Variants in ATP7B observed in about 807,000 individuals in gnomAD.
ATP7B encodes the protein ATPase copper transporting beta.
In ATP7B, 113 loss-of-function variants were observed where a neutral mutation model predicts 118.9. That is an observed-to-expected ratio of 0.95 (90% CI 0.82 to 1.11). ATP7B has a LOEUF of 1.11. Ranked by LOEUF, ATP7B falls within the 50% of genes most tolerant of loss-of-function variation. The pLI, the probability that ATP7B is intolerant of heterozygous loss-of-function variation, is 0.00. For synonymous variants in ATP7B, 777 were observed against 727.4 expected (o/e 1.07, Z -1.10); for missense variants, 1,867 against 1,871.4 (o/e 1.00, Z 0.04).
chr13:51,963,177 G>C (rs1041629602), intron 5 of ATP7B, among the ~76,000 whole-genome samples: 1 of 152,080 alleles, frequency 6.6e-6, no homozygotes, highest in Non-Finnish European at 1.5e-5. Context: ...GCTGTTGACT[G>C]CATCAGTCTG....
At chr13:51,978,302 CA>C (rs1566615425) in intron 1 of ATP7B, among the ~76,000 whole-genome samples, 1 of 152,024 alleles carries the variant, frequency 6.6e-6, no homozygotes, top group South Asian at 2.1e-4. Flanking sequence ...ACAATCCAAA[CA>C]AAAAAGAAGA....
At chr13:51,957,151 A>G (rs921485271) in intron 9 of ATP7B, among the ~76,000 whole-genome samples, 2 of 152,204 alleles carry the variant, frequency 1.3e-5, no homozygotes, top group Non-Finnish European at 1.5e-5. Flanking sequence ...TTTATTCTTT[A>G]GCAAGTTGAA....
chr13:51,966,655 T>A, intron 4 of ATP7B: 1 of 1,115,662 alleles, frequency 9.0e-7, no homozygotes, highest in Non-Finnish European at 1.3e-6. Context: ...TACAGCATGG[T>A]TTTTTTAAAA....
At chr13:51,982,199 TAAC>T (rs1952454579) in intron 1 of ATP7B, among the ~76,000 whole-genome samples, 1 of 152,210 alleles carries the variant, frequency 6.6e-6, no homozygotes, top group Admixed American at 6.5e-5. Context: ...GTGATAAAGA[TAAC>T]AACAATGATG....
chr13:51,966,131 A>G (rs1486804903), intron 4 of ATP7B, among the ~76,000 whole-genome samples: 1 of 152,220 alleles, frequency 6.6e-6, no homozygotes, highest in Non-Finnish European at 1.5e-5. Flanking sequence ...TTTTTATAAC[A>G]ACAACAATAA....
chr13:51,939,080 G>C lies in ATP7B; in HGVS notation c.3670C>G (p.Arg1224Gly). 1 of 1,614,174 alleles carries C rather than the reference G, an allele frequency of 6.2e-7. No homozygotes were observed. The highest frequency in any genetic ancestry group is 8.5e-7 in the Non-Finnish European group (1 of 1,180,038). Residue 1224 changes from arginine (R) to glycine (G), a missense_variant, in exon 17 of 21, where the codon CGG becomes GGG. By Grantham distance (125) the Arg-to-Gly change is moderately radical. Transcript: ENST00000242839. ...VDVVLITGDN[R>G]KTARAIATQV... ...GTGGCAATAGCTCTGGCTGTCTTCC[G>C]GTTGTCCCCCGTGATCAGAACCACG...
chr13:52,005,729 G>C (rs1463543290), intron 1 of ATP7B, among the ~76,000 whole-genome samples: 1 of 152,108 alleles, frequency 6.6e-6, no homozygotes, highest in Non-Finnish European at 1.5e-5. Context: ...CCTTTACCCA[G>C]TTCCAAAGCC....
At chr13:51,994,631 T>C (rs1316812541) in intron 1 of ATP7B, among the ~76,000 whole-genome samples, 1 of 152,264 alleles carries the variant, frequency 6.6e-6, no homozygotes, top group Non-Finnish European at 1.5e-5. Context: ...GTAAATCTCT[T>C]GCATAGCACA....
At chr13:51,968,020 A>C (rs1350333552) in intron 4 of ATP7B, among the ~76,000 whole-genome samples, 1 of 152,218 alleles carries the variant, frequency 6.6e-6, no homozygotes, top group African/African-American at 2.4e-5. Flanking sequence ...CTTTTCTCTT[A>C]GAATGGCACT....
At position 51,974,697 on chromosome 13, in the gene ATP7B, T is replaced by C. The variant is rs763333550; in HGVS notation, c.523A>G (p.Lys175Glu). The C allele has an allele frequency of 2.5e-6, 4 of 1,612,062 alleles. No homozygotes were observed. The highest frequency in any genetic ancestry group is 3.4e-6 in the Non-Finnish European group (4 of 1,178,254). The stretch of plus-strand genomic sequence containing the variant: ...GCCTCTTGGTTGCTGAGTGAGACTT[T>C]GACTCTCACTACTCCTTGCAGTTTC... ...VRKLQGVVRV[K>E]VSLSNQEAVI... The change falls in exon 2 of 21, where the codon AAA (lysine) becomes GAA (glutamate). Residue 175 changes from lysine to glutamate, a missense_variant. Lys to Glu is a moderately conservative substitution (Grantham distance 56). Coordinates refer to ENST00000242839, the MANE Select transcript of ATP7B (RefSeq NM_000053.4).
intron 1 of ATP7B, among the ~76,000 whole-genome samples, chr13:52,005,047 C>G (rs922482953): frequency 1.3e-5 from 2 of 152,166 alleles, no homozygotes; most frequent in Non-Finnish European, 2.9e-5. Context: ...CGAGGTGGCC[C>G]TGGGCAACTA....
rs1314712150 is a variant in ATP7B, at chr13:51,937,577, C to T, written c.3802G>A (p.Gly1268Arg). The change falls in exon 18 of 21, where the codon GGG (glycine) becomes AGG (arginine). Residue 1268 changes from glycine (G) to arginine (R), a missense_variant. Coordinates refer to ENST00000242839, the MANE Select transcript of ATP7B (RefSeq NM_000053.4). ...KGKKVAMVGD[G>R]VNDSPALAQA... ...GCCAAGGCCGGGGAGTCATTGACCC[C>T]ATCCCCCACCATGGCGACTTTCTTC... 2 of 1,614,280 alleles carry T rather than the reference C, an allele frequency of 1.2e-6. No individual in the cohort carries two copies. The highest frequency in any genetic ancestry group is 1.1e-5 in the South Asian group (1 of 91,090).
At chr13:51,970,449 A>G (rs1364721408) in intron 3 of ATP7B, 43 bp downstream of exon 3, 1 of 1,613,382 alleles carries the variant, frequency 6.2e-7, no homozygotes, top group Non-Finnish European at 8.5e-7. Context: ...TACGAGGTCT[A>G]TACGCAGCAT....
At chr13:51,938,958 G>A (rs1957143655) in intron 17 of ATP7B, 93 bp downstream of exon 17, 1 of 1,576,742 alleles carries the variant, frequency 6.3e-7, no homozygotes, top group Admixed American at 1.7e-5. Flanking sequence ...GAAAGAGCAG[G>A]AGTACAGCTC....
At position 52,010,917 on chromosome 13, in the gene ATP7B, C is replaced by T. The variant is rs184878382; in HGVS notation, c.51+370G>A. Among the ~76,000 whole-genome samples the T allele has an allele frequency of 2.0e-4, 30 of 152,286 alleles. No individual in the cohort carries two copies. The East Asian group carries it at 5.6e-3, about 28-fold the overall frequency. On this transcript the variant is annotated intron_variant, in intron 1 of 20. Coordinates refer to ENST00000242839, the MANE Select transcript of ATP7B (RefSeq NM_000053.4). ...TAAAACAGTTATAAAAGTTCCAGGACCTCGATATACCATATCTGGTCCAAG... is the reference window on the plus strand; with the variant it reads ...TAAAACAGTTATAAAAGTTCCAGGATCTCGATATACCATATCTGGTCCAAG...
Position 51,944,268 on chromosome 13 carries a change from CT to C in ATP7B, c.3083del (p.Lys1028ArgfsTer93). 1.6e-5 allele frequency: 26 copies of C among 1,614,094 alleles called. No individual in the cohort carries two copies. The highest frequency in any genetic ancestry group is 2.0e-5 in the Non-Finnish European group (24 of 1,180,024). On this transcript the variant is annotated frameshift_variant, in exon 14 of 21. Coordinates refer to ENST00000242839, the MANE Select transcript of ATP7B (RefSeq NM_000053.4). LOFTEE classifies it high-confidence loss of function. ...GGACGCCATGGGTAATGGTGCCAGT[CT>C]TGTCAAACATCACAGTCTTTATCTG... ...AHKIKTVMFD[K>X]TGTITHGVPR...
chr13:52,001,139 C>G (rs552535399), intron 1 of ATP7B, among the ~76,000 whole-genome samples: 1 of 152,344 alleles, frequency 6.6e-6, no homozygotes, highest in Non-Finnish European at 1.5e-5. Context: ...CATCCAGCAT[C>G]TAATGACTTC....
intron 1 of ATP7B, 46 bp downstream of exon 1, chr13:52,011,241 T>A: frequency 1.2e-6 from 2 of 1,614,026 alleles, no homozygotes. Context: ...AAAATCCTCC[T>A]GGTGGGAGTG....
intron 1 of ATP7B, among the ~76,000 whole-genome samples, chr13:52,001,796 A>AT (rs5803590): frequency 4.0e-4 from 60 of 149,290 alleles, no homozygotes; most frequent in African/African-American, 1.1e-3. Context: ...AATCCTTCAC[A>AT]TTTTTTTTTT....
Sources: allele counts gnomAD v4.1 joint callset (sites outside exome capture counted in the v4.1 genomes callset), GRCh38; gene constraint gnomAD v4.1.1; transcripts MANE v1.5; gene names NCBI Gene and HGNC (gene_info 2026-07-23, HGNC 2026-07-21).